Variants in ANKS1A observed in about 807,000 individuals in gnomAD.
ANKS1A encodes the protein ankyrin repeat and sterile alpha motif domain containing 1A, also known as ankyrin repeat and SAM domain-containing protein 1A.
ANKS1A carries 55 observed loss-of-function variants against 120.3 expected under a neutral mutation model. That is an observed-to-expected ratio of 0.46 (90% CI 0.37 to 0.57). The LOEUF is 0.57. ANKS1A is among the 20% of genes least tolerant of loss of function. ANKS1A has a pLI of 0.00. For synonymous variants in ANKS1A, 590 were observed against 604.7 expected (o/e 0.98, Z 0.36); for missense variants, 1,123 against 1,480.3 (o/e 0.76, Z 3.96).
downstream of ANKS1A, among the ~76,000 whole-genome samples, chr6:35,093,406 A>G (rs80166449): frequency 4.5e-4 from 69 of 152,292 alleles, no homozygotes; most frequent in East Asian, 0.012. Context: ...GCTAGAAGAA[A>G]ATGGGAGGCT....
intron 1 of ANKS1A, among the ~76,000 whole-genome samples, chr6:34,900,349 GATTT>G (rs980388731): frequency 7.2e-5 from 11 of 152,184 alleles, no homozygotes; most frequent in African/African-American, 2.6e-4. Flanking sequence ...ATTAATTAGG[GATTT>G]ATTTAAGTTT....
chr6:35,012,388 C>G (rs1023137231), intron 10 of ANKS1A, among the ~76,000 whole-genome samples: 4 of 152,212 alleles, frequency 2.6e-5, no homozygotes, highest in African/African-American at 4.8e-5. Flanking sequence ...CCTGGTGACC[C>G]TCTGAAAGCA....
chr6:35,070,663 T>G (rs1777035990), intron 13 of ANKS1A, among the ~76,000 whole-genome samples: 1 of 151,920 alleles, frequency 6.6e-6, no homozygotes, highest in Non-Finnish European at 1.5e-5. Context: ...TTTTTGTATT[T>G]TTACTAGAGA....
intron 11 of ANKS1A, among the ~76,000 whole-genome samples, chr6:35,041,336 A>G (rs1465246834): frequency 6.6e-6 from 1 of 152,214 alleles, no homozygotes; most frequent in East Asian, 1.9e-4. Context: ...TCGCTCTGGA[A>G]TCTTCTTGCA....
At chr6:34,925,804 G>A (rs904793574) in intron 1 of ANKS1A, among the ~76,000 whole-genome samples, 1 of 152,134 alleles carries the variant, frequency 6.6e-6, no homozygotes. Flanking sequence ...CAGGACATTG[G>A]CAATGTCCAG....
chr6:35,078,089 C>A (rs1377679918), intron 13 of ANKS1A, among the ~76,000 whole-genome samples: 1 of 152,192 alleles, frequency 6.6e-6, no homozygotes, highest in Non-Finnish European at 1.5e-5. Flanking sequence ...CCCTTGGAGG[C>A]TTCTCTCCTT....
At position 34,985,176 on chromosome 6, in the gene ANKS1A, C is replaced by G. The variant is rs761012008; in HGVS notation, c.1107C>G (p.Ser369=). The part of the protein sequence containing the change: ...GPYEALYNAI[S]CHSLDSMASG... ...ACGAAGCTCTGTATAATGCCATCTCCTGCCATTCGTTGGACAGCATGGCCA... is the reference window on the plus strand; with the variant it reads ...ACGAAGCTCTGTATAATGCCATCTCGTGCCATTCGTTGGACAGCATGGCCA... Residue 369 remains serine, a synonymous_variant, in exon 8 of 24, where the codon TCC becomes TCG. Transcript: ENST00000360359. 20 of 1,614,218 alleles carry G rather than the reference C, an allele frequency of 1.2e-5. No homozygotes were observed. Among genetic ancestry groups the G allele is most frequent in the Admixed American group, 6.7e-5 (4 of 60,024 alleles).
In ANKS1A at chr6:35,060,178, G is replaced by A. The variant is rs757102743; in HGVS notation, c.2109G>A (p.Glu703=). 10 of 1,612,944 alleles carry A rather than the reference G, an allele frequency of 6.2e-6. No individual in the cohort carries two copies. The highest frequency in any genetic ancestry group is 4.0e-5 in the African/African-American group (3 of 74,904). The part of the protein sequence containing the change: ...GLRTLEQSVG[E]WLESIGLQQY... ...GGACGCTGGAGCAGAGTGTCGGGGAGTGGCTGGAGTCGATTGGGCTGCAGC... is the reference window on the plus strand; with the variant it reads ...GGACGCTGGAGCAGAGTGTCGGGGAATGGCTGGAGTCGATTGGGCTGCAGC... Residue 703 remains glutamate, a synonymous_variant, in exon 13 of 24, where the codon GAG becomes GAA. Coordinates refer to ENST00000360359, the MANE Select transcript of ANKS1A (RefSeq NM_015245.3). The surrounding 1 kb of genome is among the most constrained non-coding windows in gnomAD (Gnocchi z 4.5).
intron 1 of ANKS1A, among the ~76,000 whole-genome samples, chr6:34,916,810 A>G (rs1274250207): frequency 6.6e-6 from 1 of 152,162 alleles, no homozygotes; most frequent in African/African-American, 2.4e-5. Context: ...TGGATTACAG[A>G]GTTTTGGGAA....
chr6:34,953,251 C>T (rs1171587787), intron 1 of ANKS1A, among the ~76,000 whole-genome samples: 1 of 152,142 alleles, frequency 6.6e-6, no homozygotes, highest in Non-Finnish European at 1.5e-5. Flanking sequence ...ATGCAGAGCT[C>T]TAAACTGAGA....
intron 3 of ANKS1A, among the ~76,000 whole-genome samples, chr6:34,975,613 C>A (rs1357691349): frequency 1.3e-5 from 2 of 151,716 alleles, no homozygotes; most frequent in African/African-American, 4.8e-5. Flanking sequence ...AAAAAATTAG[C>A]CAGGCATAGT....
chr6:35,094,440 GA>G (rs35902442), downstream of ANKS1A, among the ~76,000 whole-genome samples: 22,981 of 118,704 alleles, frequency 0.19, 2,034 homozygotes, highest in African/African-American at 0.27. Context: ...ACTTCGTCTG[GA>G]AAAAAAAAAA....
chr6:34,927,805 G>C (rs530760305), intron 1 of ANKS1A, among the ~76,000 whole-genome samples: 12 of 152,336 alleles, frequency 7.9e-5, no homozygotes, highest in Middle Eastern at 3.4e-3. Flanking sequence ...AAACTGGTCA[G>C]AGGGAGGAGA....
At chr6:34,911,431 C>G (rs527847006) in intron 1 of ANKS1A, among the ~76,000 whole-genome samples, 2 of 152,170 alleles carry the variant, frequency 1.3e-5, no homozygotes, top group Non-Finnish European at 2.9e-5. Flanking sequence ...GTAATAATCT[C>G]CTTCCTTGTG....
chr6:35,080,418 C>G (rs1020901449), intron 16 of ANKS1A, among the ~76,000 whole-genome samples: 1 of 152,252 alleles, frequency 6.6e-6, no homozygotes, highest in African/African-American at 2.4e-5. Context: ...AGCTCTCCCC[C>G]AGCCCCAGGC....
intron 10 of ANKS1A, among the ~76,000 whole-genome samples, chr6:35,002,735 G>GA (rs1355543152): frequency 6.6e-6 from 1 of 151,922 alleles, no homozygotes; most frequent in African/African-American, 2.4e-5. Context: ...GAATCACCCT[G>GA]ATCATTTCTA....
At chr6:35,079,357 G>C (rs1777536942) in intron 14 of ANKS1A, among the ~76,000 whole-genome samples, 159 bp from the exon 15 acceptor site, 3 of 152,120 alleles carry the variant, frequency 2.0e-5, no homozygotes, top group Non-Finnish European at 2.9e-5. Context: ...GCAAGTGATA[G>C]GAAAGGCTGT....
chr6:35,050,299 C>G lies in ANKS1A; in HGVS notation c.2011-3800C>G, dbSNP rs867832503. ...TCCATTATGGTGATAACTTTCAAGT[C>G]CTTATATTAACAAACACGAGTATAA... On this transcript the variant is annotated intron_variant, in intron 11 of 23. Coordinates refer to ENST00000360359, the MANE Select transcript of ANKS1A (RefSeq NM_015245.3). This position sits in a 1 kb window ranked among gnomAD's most constrained non-coding sequence, Gnocchi z 4.3. 6.6e-6 allele frequency among the ~76,000 whole-genome samples: 1 copy of G among 152,178 alleles called. No homozygotes were observed. Among genetic ancestry groups the G allele is most frequent in the African/African-American group, 2.4e-5 (1 of 41,416 alleles).
intron 13 of ANKS1A, among the ~76,000 whole-genome samples, chr6:35,065,951 G>A (rs565113849): frequency 1.1e-4 from 16 of 152,282 alleles, no homozygotes; most frequent in African/African-American, 3.4e-4. Context: ...GAAGCTCCGG[G>A]TTAGTTAAGT....
Sources: allele counts gnomAD v4.1 joint callset (sites outside exome capture counted in the v4.1 genomes callset), GRCh38; gene constraint gnomAD v4.1.1; non-coding constraint Gnocchi (gnomAD v3.1); transcripts MANE v1.5; gene names NCBI Gene and HGNC (gene_info 2026-07-23, HGNC 2026-07-21).